The following CACNA1C variants were observed in gnomAD, a reference collection of about 807,000 sequenced individuals.
CACNA1C encodes the protein calcium voltage-gated channel subunit alpha1 C.
Under a neutral mutation model 229.0 loss-of-function variants are expected in CACNA1C, and 30 were observed. The ratio of observed to expected loss-of-function variants is 0.13; its 90% CI spans 0.10 to 0.18. The LOEUF (loss-of-function observed/expected upper bound fraction) is 0.18, where lower values mean the gene tolerates loss of function less well. Ranked by LOEUF, CACNA1C falls within the 10% of genes least tolerant of loss-of-function variation. The pLI, the probability that CACNA1C is intolerant of heterozygous loss-of-function variation, is 1.00. For missense variants in CACNA1C, 1,658 were observed against 2,845.0 expected (o/e 0.58, Z 9.49); for synonymous variants, 1,114 against 1,132.5 (o/e 0.98, Z 0.33).
chr12:2,671,984 TAAGA>T (rs926319998), intron 38 of CACNA1C: 5 of 152,310 alleles, frequency 3.3e-5, no homozygotes, highest in South Asian at 2.1e-4. Flanking sequence ...GTTAAAATCC[TAAGA>T]AAGAAAGACA....
chr12:2,569,884 G>A (rs998086646), intron 13 of CACNA1C, among the ~76,000 whole-genome samples: 5 of 152,164 alleles, frequency 3.3e-5, no homozygotes, highest in African/African-American at 4.8e-5. Flanking sequence ...TTTCCAAAGA[G>A]ACTAAAGCAT....
chr12:2,244,928 C>T (rs1211080968), intron 3 of CACNA1C, among the ~76,000 whole-genome samples: 2 of 152,154 alleles, frequency 1.3e-5, no homozygotes, highest in East Asian at 3.8e-4. Flanking sequence ...AAACCCAGAC[C>T]CATCGAAGCC....
intron 3 of CACNA1C, among the ~76,000 whole-genome samples, chr12:2,350,692 C>T (rs545902842): frequency 2.0e-5 from 3 of 152,338 alleles, no homozygotes; most frequent in East Asian, 3.9e-4. Context: ...TCAGGCTCGG[C>T]GGCTCAGCTG....
intron 3 of CACNA1C, among the ~76,000 whole-genome samples, chr12:2,433,053 G>T (rs968330348): frequency 6.6e-6 from 1 of 152,228 alleles, no homozygotes; most frequent in Non-Finnish European, 1.5e-5. Flanking sequence ...CTGGAATGAG[G>T]TTCCTGTTCC....
At chr12:2,353,862 C>A (rs1049875795) in intron 3 of CACNA1C, among the ~76,000 whole-genome samples, 1 of 152,130 alleles carries the variant, frequency 6.6e-6, no homozygotes, top group Non-Finnish European at 1.5e-5. Context: ...GAGATCAGGG[C>A]GGCTGGGAGC....
rs559495280 is a variant in CACNA1C at position 2,171,650 on chromosome 12, T to A, written c.477+51220T>A. On this transcript the variant is annotated intron_variant, in intron 3 of 46. Transcript: ENST00000399655. The stretch of plus-strand genomic sequence containing the variant: ...CTGAGTGCCCATCAGGAGTTGTAAA[T>A]GCTGGAAATGCAGTGAAGAATAGCA... Among the ~76,000 whole-genome samples, 320 of 152,276 alleles carry A rather than the reference T, an allele frequency of 2.1e-3. 3 individuals are homozygous for A. The highest frequency in any genetic ancestry group is 7.5e-3 in the African/African-American group (311 of 41,554).
chr12:2,433,193 T>G (rs1220317221), intron 3 of CACNA1C, among the ~76,000 whole-genome samples: 1 of 152,186 alleles, frequency 6.6e-6, no homozygotes, highest in African/African-American at 2.4e-5. Flanking sequence ...TGTGCCCATC[T>G]CAGCACAGGA....
intron 3 of CACNA1C, among the ~76,000 whole-genome samples, chr12:2,264,096 A>G (rs939114515): frequency 6.6e-6 from 1 of 152,178 alleles, no homozygotes; most frequent in African/African-American, 2.4e-5. Context: ...CCCCTGTTGC[A>G]CTCACGGGTG....
intron 3 of CACNA1C, among the ~76,000 whole-genome samples, chr12:2,138,682 G>T (rs1294967285): frequency 6.6e-6 from 1 of 150,974 alleles, no homozygotes; most frequent in Non-Finnish European, 1.5e-5. Flanking sequence ...TCAGCCACAC[G>T]CCGGGCTCCC....
At chr12:2,460,233 G>T (rs2099490613) in intron 5 of CACNA1C, among the ~76,000 whole-genome samples, 1 of 152,210 alleles carries the variant, frequency 6.6e-6, no homozygotes, top group Non-Finnish European at 1.5e-5. Context: ...GCAACTTAAG[G>T]CTTATGCTTA....
chr12:2,214,928 GAGAGA>G (rs939201925), intron 3 of CACNA1C, among the ~76,000 whole-genome samples: 3 of 152,176 alleles, frequency 2.0e-5, no homozygotes, highest in Admixed American at 6.5e-5. Flanking sequence ...TACTCAAGAA[GAGAGA>G]AGAGGAGTGT....
At chr12:2,644,708 A>G (rs2094144679) in intron 30 of CACNA1C, among the ~76,000 whole-genome samples, 2 of 152,050 alleles carry the variant, frequency 1.3e-5, no homozygotes, top group Admixed American at 1.3e-4. Flanking sequence ...TCCAATGAAA[A>G]TAAGTGCATA....
At chr12:2,264,328 A>G (rs1232061637) in intron 3 of CACNA1C, among the ~76,000 whole-genome samples, 1 of 152,210 alleles carries the variant, frequency 6.6e-6, no homozygotes, top group South Asian at 2.1e-4. Flanking sequence ...CTGTCTTCAG[A>G]TAACCACAGT....
intron 1 of CACNA1C, among the ~76,000 whole-genome samples, chr12:2,059,498 G>T (rs762325427): frequency 4.6e-5 from 7 of 151,532 alleles, no homozygotes; most frequent in Admixed American, 1.3e-4. Context: ...GGGTTAACTG[G>T]CAAGAAACCC....
At chr12:2,020,007 C>T (rs887345988) in intron 1 of CACNA1C, 3 of 152,170 alleles carry the variant, frequency 2.0e-5, no homozygotes, top group African/African-American at 7.2e-5. Flanking sequence ...TTTCAGAGAA[C>T]TTTTTCTCTC....
intron 34 of CACNA1C, among the ~76,000 whole-genome samples, chr12:2,661,498 G>T (rs1024689857): frequency 6.6e-6 from 1 of 151,888 alleles, no homozygotes; most frequent in Non-Finnish European, 1.5e-5. Context: ...AAATTGAAAA[G>T]GTAGTTGAAA....
At chr12:2,676,417 G>A (rs981019487) in intron 39 of CACNA1C, 1 of 152,198 alleles carries the variant, frequency 6.6e-6, no homozygotes, top group South Asian at 2.1e-4. Flanking sequence ...AGATCCAAGG[G>A]GCTCCTCCCC....
intron 3 of CACNA1C, among the ~76,000 whole-genome samples, chr12:2,295,273 TC>T (rs1383901658): frequency 1.3e-5 from 2 of 152,186 alleles, no homozygotes; most frequent in Non-Finnish European, 2.9e-5. Flanking sequence ...ATTCCTTGTT[TC>T]TTATTCATGT....
chr12:2,589,560 G>A (rs1419087704), intron 18 of CACNA1C, among the ~76,000 whole-genome samples: 1 of 152,210 alleles, frequency 6.6e-6, no homozygotes, highest in Non-Finnish European at 1.5e-5. Context: ...GAGAGGCCGG[G>A]GCAGGGCAGG....
Sources: gnomAD v4.1 joint callset for allele counts (sites outside exome capture counted in the v4.1 genomes callset) on GRCh38, gnomAD v4.1.1 for gene constraint, MANE v1.5 for transcripts, NCBI Gene and HGNC (gene_info 2026-07-23, HGNC 2026-07-21) for gene names.